The following FAP variants were observed in gnomAD, a reference collection of about 807,000 sequenced individuals.
FAP encodes fibroblast activation protein alpha, also known as prolyl endopeptidase FAP.
Under a neutral mutation model 126.5 loss-of-function variants are expected in FAP, and 110 were observed. The ratio of observed to expected loss-of-function variants is 0.87; its 90% confidence interval spans 0.74 to 1.02. The LOEUF (loss-of-function observed/expected upper bound fraction) is 1.02. Ranked by LOEUF, FAP falls within the 50% of genes least tolerant of loss-of-function variation. The pLI, the probability that FAP is intolerant of heterozygous loss-of-function variation, is 0.00. For missense variants in FAP, 919 were observed against 909.2 expected (o/e 1.01, Z -0.14); for synonymous variants, 334 against 297.3 (o/e 1.12, Z -1.27).
At position 162,202,879 on chromosome 2, in the gene FAP, C is replaced by T; in HGVS notation, c.1216G>A (p.Asp406Asn). ...GCTTCGTGCAATACTTACAGTGAAT[C>T]CTGTGTTACTCTGAATATATTTATG... ...EAINIFRVTQDSLFYSSNEFE... is the reference protein window; with the variant it reads ...EAINIFRVTQNSLFYSSNEFE... The change falls in exon 14 of 26, where the codon GAT becomes AAT. Residue 406 changes from aspartate (D) to asparagine (N), a missense_variant. Transcript: ENST00000188790. 7 of 1,613,020 alleles carry T rather than the reference C, an allele frequency of 4.3e-6. No homozygotes were observed. The highest frequency in any genetic ancestry group is 5.9e-6 in the Non-Finnish European group (7 of 1,179,100).
At chr2:162,198,578 A>C in intron 16 of FAP, 179 bp downstream of exon 16, 1 of 899,882 alleles carries the variant, frequency 1.1e-6, no homozygotes. Flanking sequence ...CAGTTGCAAA[A>C]AAGTAAAGAT....
intron 21 of FAP, among the ~76,000 whole-genome samples, chr2:162,179,812 A>ATATATATT (rs1491388012): frequency 6.6e-5 from 6 of 90,514 alleles, no homozygotes; most frequent in African/African-American, 2.2e-4. Flanking sequence ...ATATATATAT[A>ATATATATT]TTTTTTTTTT....
intron 1 of FAP, 131 bp from the exon 2 acceptor site, chr2:162,243,123 C>T: frequency 1.2e-6 from 1 of 837,526 alleles, no homozygotes; most frequent in Non-Finnish European, 1.9e-6. Flanking sequence ...ACTGATCCGG[C>T]TATAATTGCT....
At chr2:162,210,703 A>G (rs1688896139) in intron 11 of FAP, among the ~76,000 whole-genome samples, 3 of 152,178 alleles carry the variant, frequency 2.0e-5, no homozygotes, top group African/African-American at 4.8e-5. Flanking sequence ...CCAATTCACA[A>G]TTTGGAACAT....
At chr2:162,195,811 T>C (rs189252936) in intron 16 of FAP, among the ~76,000 whole-genome samples, 232 of 152,194 alleles carry the variant, frequency 1.5e-3, no homozygotes, top group African/African-American at 5.2e-3. Context: ...AGTCAGTAGG[T>C]TAAAAGCAAC....
chr2:162,218,142 T>C lies in FAP; in HGVS notation c.608-2A>G. The C allele has an allele frequency of 1.3e-6, 2 of 1,594,222 alleles. No homozygotes were observed. The highest frequency in any genetic ancestry group is 1.7e-4 in the Middle Eastern group (1 of 5,946). On this transcript the variant is annotated splice_acceptor_variant, in intron 8 of 25. Coordinates refer to ENST00000188790, the MANE Select transcript of FAP (RefSeq NM_004460.5). LOFTEE classifies it high-confidence loss of function. ...CATATTTTGTAGCAAGCATTTCCTC[T>C]GAAAAATAAGTACTAGGATATTAAC...
intron 2 of FAP, among the ~76,000 whole-genome samples, chr2:162,241,718 T>C (rs1459162388): frequency 6.6e-6 from 1 of 152,168 alleles, no homozygotes; most frequent in East Asian, 1.9e-4. Flanking sequence ...GAGATGAGTC[T>C]GAAAACAATT....
intron 9 of FAP, 91 bp downstream of exon 9, chr2:162,217,895 C>T: frequency 2.0e-6 from 2 of 1,005,416 alleles, no homozygotes; most frequent in Non-Finnish European, 1.4e-6. Flanking sequence ...AGAAGCTCTC[C>T]AAACTTGTTG....
chr2:162,242,947 C>G lies in FAP; in HGVS notation c.52G>C (p.Ala18Pro), dbSNP rs573022278. The G allele has an allele frequency of 3.1e-6, 5 of 1,613,196 alleles. No individual in the cohort carries two copies. In the Admixed American group the frequency reaches 8.4e-5, roughly 27 times the overall value. Residue 18 changes from alanine (A) to proline (P), a missense_variant, in exon 2 of 26, where the codon GCC becomes CCC. By Grantham distance (27) the Ala-to-Pro change is conservative (BLOSUM62 -1). Coordinates refer to ENST00000188790, the MANE Select transcript of FAP (RefSeq NM_004460.5). ...VFGVATSAVL[A>P]LLVMCIVLRP... is the part of the protein sequence containing the mutation. ...AAGACAATGCACATCACCAATAAGG[C>G]AAGCACAGCAGAGGTGGCAACTCCA... is the stretch of plus-strand genomic sequence containing the variant.
chr2:162,217,250 C>A (rs1372131255), intron 9 of FAP, among the ~76,000 whole-genome samples: 2 of 152,170 alleles, frequency 1.3e-5, no homozygotes, highest in Non-Finnish European at 2.9e-5. Flanking sequence ...CAATAGCATC[C>A]AAAGAACAAA....
chr2:162,185,686 G>T (rs13027852), intron 20 of FAP, among the ~76,000 whole-genome samples: 1 of 151,928 alleles, frequency 6.6e-6, no homozygotes, highest in Non-Finnish European at 1.5e-5. Flanking sequence ...ATGTACGTAC[G>T]ATTTTCTTTT....
At chr2:162,203,724 GACT>G (rs1688588324) in intron 12 of FAP, among the ~76,000 whole-genome samples, 3 of 152,122 alleles carry the variant, frequency 2.0e-5, no homozygotes, top group Non-Finnish European at 2.9e-5. Context: ...GCCGACTGCA[GACT>G]GACCTCAATG....
intron 12 of FAP, among the ~76,000 whole-genome samples, chr2:162,206,599 G>A (rs1015286493): frequency 6.6e-6 from 1 of 152,124 alleles, no homozygotes; most frequent in African/African-American, 2.4e-5. Context: ...TAAAATAATT[G>A]ATGTGACTTT....
In FAP at chr2:162,170,905, TA is replaced by T; in HGVS notation, c.*73del. Reference sequence around the variant, plus strand: ...TACTAGCATTTTACAACATAAAAAATAAAATAAGCAAACTGTCTGAGGGGTT... The same window carrying T: ...TACTAGCATTTTACAACATAAAAAATAAATAAGCAAACTGTCTGAGGGGTT... On this transcript the variant is annotated 3_prime_UTR_variant, in exon 26 of 26. Coordinates refer to ENST00000188790, the MANE Select transcript of FAP (RefSeq NM_004460.5). 1 of 1,118,230 alleles carries T rather than the reference TA, an allele frequency of 8.9e-7. No homozygotes were observed. Among genetic ancestry groups the T allele is most frequent in the Non-Finnish European group, 1.3e-6 (1 of 752,442 alleles). 69.3% of individuals were successfully genotyped at this position (1,118,230 alleles called of 1,614,324 possible). A position where few individuals can be genotyped will look rare whatever the true frequency, so the allele number is the denominator to read the frequency against.
chr2:162,178,103 G>T (rs1687549991), intron 21 of FAP, among the ~76,000 whole-genome samples: 1 of 152,108 alleles, frequency 6.6e-6, no homozygotes, highest in South Asian at 2.1e-4. Context: ...CTCATTAGAG[G>T]TGCATTTGTC....
intron 2 of FAP, among the ~76,000 whole-genome samples, chr2:162,238,289 C>T (rs1690218416): frequency 1.3e-5 from 2 of 152,120 alleles, no homozygotes; most frequent in South Asian, 4.1e-4. Context: ...TGATTGCACA[C>T]CTCTGGCTCA....
chr2:162,187,189 G>C (rs1687889855), intron 20 of FAP, among the ~76,000 whole-genome samples: 1 of 152,006 alleles, frequency 6.6e-6, no homozygotes, highest in Non-Finnish European at 1.5e-5. Context: ...GAAAAGTGTT[G>C]TCTAGGCCTG....
chr2:162,215,575 G>A (rs974546434), intron 10 of FAP, among the ~76,000 whole-genome samples: 1 of 152,126 alleles, frequency 6.6e-6, no homozygotes, highest in Non-Finnish European at 1.5e-5. Context: ...CACAAACCCT[G>A]GCTTGAGATA....
chr2:162,210,882 A>G (rs1688905937), intron 11 of FAP, among the ~76,000 whole-genome samples: 1 of 152,210 alleles, frequency 6.6e-6, no homozygotes, highest in South Asian at 2.1e-4. Context: ...ACATATTGAA[A>G]AGTTCAAATC....
Sources: gnomAD v4.1 joint callset for allele counts (sites outside exome capture counted in the v4.1 genomes callset) on GRCh38, gnomAD v4.1.1 for gene constraint, MANE v1.5 for transcripts, NCBI Gene and HGNC (gene_info 2026-07-23, HGNC 2026-07-21) for gene names.